Variants in BTN3A1 observed in about 807,000 individuals in gnomAD.
The protein encoded by BTN3A1 is butyrophilin subfamily 3 member A1.
A neutral mutation model predicts 43.0 loss-of-function variants in BTN3A1; 24 were observed. The observed-to-expected ratio is 0.56, with a 90% CI of 0.40 to 0.78. The LOEUF (loss-of-function observed/expected upper bound fraction) is 0.78, where lower values mean the gene tolerates loss of function less well. Ranked by LOEUF, BTN3A1 falls within the 30% of genes least tolerant of loss-of-function variation. The pLI, the probability that BTN3A1 is intolerant of heterozygous loss-of-function variation, is 0.00. For synonymous variants in BTN3A1, 181 were observed against 234.7 expected, an observed-to-expected ratio of 0.77 and a Z score of 2.09; for missense variants, 533 against 626.2, an observed-to-expected ratio of 0.85 and a Z score of 1.59.
intron 7 of BTN3A1, among the ~76,000 whole-genome samples, chr6:26,410,894 C>T (rs972527679): frequency 1.3e-5 from 2 of 149,996 alleles, no homozygotes; most frequent in African/African-American, 2.5e-5. Context: ...AAGGAACTCT[C>T]GCAATGTCTG....
chr6:26,407,949 G>T lies in BTN3A1; in HGVS notation c.712G>T (p.Ala238Ser). Residue 238 changes from alanine (A) to serine (S), a missense_variant, in exon 4 of 10, where the codon GCA becomes TCA. By Grantham distance (99) the Ala-to-Ser change is moderately conservative. Transcript: ENST00000289361. ...GGAAAAGACAGCCAGCATTTCCATC[G>T]CAGGTCAGTACCTGCTTGGCCTCAG... ...GLEKTASISIADPFFRSAQRW... is the reference protein window; with the variant it reads ...GLEKTASISISDPFFRSAQRW... 2 of 1,614,024 alleles carry T rather than the reference G, an allele frequency of 1.2e-6. No individual in the cohort carries two copies. The highest frequency in any genetic ancestry group is 1.7e-6 in the Non-Finnish European group (2 of 1,179,936).
chr6:26,409,835 A>AT, intron 5 of BTN3A1, 59 bp from the exon 6 acceptor site: 1 of 1,613,522 alleles, frequency 6.2e-7, no homozygotes, highest in South Asian at 1.1e-5. Context: ...TTTAAGGTTA[A>AT]TTTTTTAGAA....
chr6:26,413,636 C>G lies in BTN3A1; in HGVS notation c.1486C>G (p.Pro496Ala). The G allele has an allele frequency of 6.2e-7, 1 of 1,613,946 alleles. No homozygotes were observed. The highest frequency in any genetic ancestry group is 1.3e-5 in the African/African-American group (1 of 74,994). Residue 496 changes from proline (P) to alanine (A), a missense_variant, in exon 10 of 10, where the codon CCT becomes GCT. Transcript: ENST00000289361. ...CGTCTCCTTCTCTGAGGCTCTATAT[C>G]CTGTTTTCAGAATTTTGACCTTGGA... ...LDVSFSEALY[P>A]VFRILTLEPT... is the part of the protein sequence containing the mutation.
At chr6:26,411,451 A>T (rs781565096) in intron 8 of BTN3A1, 104 bp from the exon 9 acceptor site, 1 of 1,399,050 alleles carries the variant, frequency 7.1e-7, no homozygotes, top group Non-Finnish European at 1.0e-6. Context: ...ACCCTGGAAG[A>T]GACTCTGAAG....
intron 1 of BTN3A1, chr6:26,404,675 C>G (rs1050804759): frequency 1.3e-5 from 2 of 152,222 alleles, no homozygotes; most frequent in African/African-American, 4.8e-5. Context: ...AAAAATAGTG[C>G]TGCAGTGTCA....
At chr6:26,406,681 C>G (rs989354168) in intron 3 of BTN3A1, among the ~76,000 whole-genome samples, 1 of 152,162 alleles carries the variant, frequency 6.6e-6, no homozygotes, top group Non-Finnish European at 1.5e-5. Flanking sequence ...GAGCCAATGA[C>G]CCTAGAATAC....
chr6:26,411,680 G>C lies in BTN3A1; in HGVS notation c.1018+99G>C. On this transcript the variant is annotated intron_variant, in intron 9 of 9. Transcript: ENST00000289361. ...AACTGTTGTGATTTGGGGAAGAAAA[G>C]CTCCCATGACTAGGAGAATTTGGGG... is the stretch of plus-strand genomic sequence containing the variant. The C allele has an allele frequency of 4.2e-6, 6 of 1,438,068 alleles. No homozygotes were observed. The South Asian group carries it at 5.3e-5, about 13-fold the overall frequency. 89.1% of individuals were successfully genotyped at this position (1,438,068 alleles called of 1,614,324 possible).
rs1459567766 is a variant in BTN3A1, at chr6:26,413,710, C to T, written c.*18C>T. 6.2e-6 allele frequency: 10 copies of T among 1,611,282 alleles called. No homozygotes were observed. The East Asian group carries it at 2.2e-4, about 36-fold the overall frequency. On this transcript the variant is annotated 3_prime_UTR_variant, in exon 10 of 10. Transcript: ENST00000289361. ...CAGCGTGAAAAGAAGAAGAGAGTTC[C>T]TCCAATTCTGACCGAGTGCTGATCA...
chr6:26,409,425 T>C, intron 4 of BTN3A1, 108 bp from the exon 5 acceptor site: 1 of 1,045,966 alleles, frequency 9.6e-7, no homozygotes, highest in South Asian at 1.3e-5. Context: ...CCTCATGAGA[T>C]AGATTCCGTG....
At position 26,405,965 on chromosome 6, in the gene BTN3A1, G is replaced by C; in HGVS notation, c.142G>C (p.Ala48Pro). Reference sequence around the variant, plus strand: ...CATCCTGGCCATGGTGGGTGAAGACGCTGATCTGCCCTGTCACCTGTTCCC... The same window carrying C: ...CATCCTGGCCATGGTGGGTGAAGACCCTGATCTGCCCTGTCACCTGTTCCC... ...GPILAMVGED[A>P]DLPCHLFPTM... is the part of the protein sequence containing the mutation. The change falls in exon 3 of 10, where the codon GCT (alanine) becomes CCT (proline). Residue 48 changes from alanine to proline, a missense_variant. Physicochemically the swap from Ala to Pro is conservative, Grantham distance 27. Transcript: ENST00000289361. 6.2e-7 allele frequency: 1 copy of C among 1,603,000 alleles called. No homozygotes were observed. Among genetic ancestry groups the C allele is most frequent in the African/African-American group, 1.4e-5 (1 of 73,516 alleles).
chr6:26,409,425 TA>T, intron 4 of BTN3A1, 107 bp from the exon 5 acceptor site: 1 of 1,045,966 alleles, frequency 9.6e-7, no homozygotes, highest in Non-Finnish European at 1.5e-6. Flanking sequence ...CCTCATGAGA[TA>T]GATTCCGTGC....
At chr6:26,411,826 G>C (rs986421672) in intron 9 of BTN3A1, 3 of 496,978 alleles carry the variant, frequency 6.0e-6, no homozygotes, top group African/African-American at 5.9e-5. Flanking sequence ...TGGGAAGGAA[G>C]ACATATAAAG....
chr6:26,408,241 A>C (rs1304027725), intron 4 of BTN3A1, among the ~76,000 whole-genome samples: 1 of 150,934 alleles, frequency 6.6e-6, no homozygotes, highest in African/African-American at 2.4e-5. Flanking sequence ...CAAAAGGGGA[A>C]AGCATATATA....
Position 26,407,698 on chromosome 6 carries a change from T to C in BTN3A1, c.461T>C (p.Val154Ala), listed in dbSNP as rs1459506946. The part of the protein sequence containing the change: ...AALGSDLHVD[V>A]KGYKDGGIHL... The stretch of plus-strand genomic sequence containing the variant: ...CTGGGTTCTGATCTTCACGTTGATG[T>C]GAAGGGTTACAAGGATGGAGGGATC... Residue 154 changes from valine to alanine, a missense_variant, in exon 4 of 10, where the codon GTG (valine) becomes GCG (alanine). Transcript: ENST00000289361. The C allele has an allele frequency of 8.1e-6, 13 of 1,614,150 alleles. No individual in the cohort carries two copies. The highest frequency in any genetic ancestry group is 1.1e-5 in the Non-Finnish European group (13 of 1,180,014).
intron 4 of BTN3A1, among the ~76,000 whole-genome samples, chr6:26,409,167 G>C (rs1036630577): frequency 6.6e-6 from 1 of 151,704 alleles, no homozygotes; most frequent in East Asian, 1.9e-4. Flanking sequence ...AGAAAGGGAG[G>C]GTGGGAGGGA....
In BTN3A1 at chr6:26,413,861, A is replaced by C. The variant is rs907819276; in HGVS notation, c.*169A>C. 1.6e-6 allele frequency: 2 copies of C among 1,283,114 alleles called. No individual in the cohort carries two copies. Among genetic ancestry groups the C allele is most frequent in the Non-Finnish European group, 2.2e-6 (2 of 913,252 alleles). The allele number at this position is 1,283,114 out of a possible 1,614,324, so 79.5% of individuals were successfully genotyped here. On this transcript the variant is annotated 3_prime_UTR_variant, in exon 10 of 10. Transcript: ENST00000289361. ...AGGGCCTCCCCCTCCACAGCAACCA[A>C]TCACAACCATAAAGCTACAAGCACG...
intron 1 of BTN3A1, among the ~76,000 whole-genome samples, chr6:26,403,893 A>G (rs768785757): frequency 1.2e-4 from 18 of 152,326 alleles, no homozygotes; most frequent in Middle Eastern, 3.4e-3. Context: ...TCCTTTATGA[A>G]GAAGAAAAAC....
At chr6:26,413,042 A>C in intron 9 of BTN3A1, 127 bp from the exon 10 acceptor site, 1 of 1,508,234 alleles carries the variant, frequency 6.6e-7, no homozygotes, top group South Asian at 1.4e-5. Flanking sequence ...AGTCACATTT[A>C]GGGCAGACTA....
intron 7 of BTN3A1, 99 bp downstream of exon 7, chr6:26,410,131 T>G: frequency 6.8e-7 from 1 of 1,475,082 alleles, no homozygotes; most frequent in South Asian, 1.1e-5. Context: ...GGAAGTGGTC[T>G]TAGATCCCTT....
Sources: allele counts gnomAD v4.1 joint callset (sites outside exome capture counted in the v4.1 genomes callset), GRCh38; gene constraint gnomAD v4.1.1; transcripts MANE v1.5; gene names NCBI Gene and HGNC (gene_info 2026-07-23, HGNC 2026-07-21).